The following DIAPH3 variants were observed in gnomAD, a reference collection of about 807,000 sequenced individuals.
DIAPH3 encodes diaphanous related formin 3, also known as protein diaphanous homolog 3.
A neutral mutation model predicts 144.3 loss-of-function variants in DIAPH3; 117 were observed. That is an observed-to-expected ratio of 0.81 (90% CI 0.70 to 0.95). The LOEUF is 0.95. DIAPH3 is among the 40% of genes least tolerant of loss of function. The pLI is 0.00. For synonymous variants in DIAPH3, 519 were observed against 488.9 expected, an observed-to-expected ratio of 1.06 and a Z score of -0.81; for missense variants, 1,421 against 1,412.7, an observed-to-expected ratio of 1.01 and a Z score of -0.09.
chr13:59,970,999 C>T lies in DIAPH3; in HGVS notation c.1812G>A (p.Met604Ile). ...PPPPPLPGMRMPFSGPVPPPP... is the reference protein window; with the variant it reads ...PPPPPLPGMRIPFSGPVPPPP... ...GTGGAGGCACAGGACCACTGAATGGCATCCGCATTCCTGGAAGTGGAGGAG... is the reference window on the plus strand; with the variant it reads ...GTGGAGGCACAGGACCACTGAATGGTATCCGCATTCCTGGAAGTGGAGGAG... Residue 604 changes from methionine (M) to isoleucine (I), a missense_variant, in exon 16 of 28, where the codon ATG (methionine) becomes ATA (isoleucine). Physicochemically the swap from Met to Ile is conservative, Grantham distance 10 (BLOSUM62 1). Coordinates refer to ENST00000400324, the MANE Select transcript of DIAPH3 (RefSeq NM_001042517.2). The T allele has an allele frequency of 6.2e-7, 1 of 1,612,552 alleles. No homozygotes were observed. Among genetic ancestry groups the T allele is most frequent in the Non-Finnish European group, 8.5e-7 (1 of 1,179,238 alleles).
intron 18 of DIAPH3, among the ~76,000 whole-genome samples, chr13:59,917,673 G>A (rs2047287065): frequency 6.6e-6 from 1 of 151,826 alleles, no homozygotes; most frequent in South Asian, 2.1e-4. Context: ...GGCGGATCAC[G>A]AGGTCAGCAG....
In DIAPH3 at chr13:59,786,665, A is replaced by G. The variant is rs73541195; in HGVS notation, c.3164-11842T>C. Among the ~76,000 whole-genome samples the G allele has an allele frequency of 9.7e-3, 1,475 of 152,308 alleles. 16 individuals are homozygous for G. Among genetic ancestry groups the G allele is most frequent in the African/African-American group, 0.033 (1,392 of 41,568 alleles). Reference sequence around the variant, plus strand: ...TTACAAAAATAAGGAGATATATCACATTTAAAAAGAAAAAAAACTTCAGTA... The same window carrying G: ...TTACAAAAATAAGGAGATATATCACGTTTAAAAAGAAAAAAAACTTCAGTA... On this transcript the variant is annotated intron_variant, in intron 25 of 27. Coordinates refer to ENST00000400324, the MANE Select transcript of DIAPH3 (RefSeq NM_001042517.2).
chr13:59,807,365 A>T (rs542561112), intron 25 of DIAPH3, among the ~76,000 whole-genome samples: 1 of 152,052 alleles, frequency 6.6e-6, no homozygotes, highest in East Asian at 1.9e-4. Context: ...GTTGACTTGC[A>T]AAAATTTCAA....
Position 59,758,879 on chromosome 13 carries a change from G to C in DIAPH3, c.3319+15310C>G, listed in dbSNP as rs534761440. Among the ~76,000 whole-genome samples, 6 of 150,922 alleles carry C rather than the reference G, an allele frequency of 4.0e-5. No homozygotes were observed. The South Asian group carries it at 6.3e-4, about 16-fold the overall frequency. ...ACTGCAGCCTTAACCTGTTGGGCTT[G>C]AGTGATCTTCCTATCTCAGCCTCCT... On this transcript the variant is annotated intron_variant, in intron 27 of 27. Coordinates refer to ENST00000400324, the MANE Select transcript of DIAPH3 (RefSeq NM_001042517.2).
chr13:59,815,019 C>A (rs187487786), intron 24 of DIAPH3, among the ~76,000 whole-genome samples: 2 of 152,232 alleles, frequency 1.3e-5, no homozygotes, highest in African/African-American at 2.4e-5. Flanking sequence ...ACAGAATTTC[C>A]ATTTTTTCAT....
chr13:60,009,472 G>A (rs1041499259), intron 8 of DIAPH3, among the ~76,000 whole-genome samples: 1 of 152,034 alleles, frequency 6.6e-6, no homozygotes, highest in African/African-American at 2.4e-5. Context: ...AAAAAATGAT[G>A]GGGGAAAGGG....
chr13:59,672,299 C>T (rs2032417622), intron 27 of DIAPH3, among the ~76,000 whole-genome samples: 1 of 152,142 alleles, frequency 6.6e-6, no homozygotes. Flanking sequence ...CTTAGGAGTG[C>T]CAACTCTCAG....
At chr13:59,943,397 G>A (rs1332554219) in intron 17 of DIAPH3, among the ~76,000 whole-genome samples, 1 of 152,178 alleles carries the variant, frequency 6.6e-6, no homozygotes, top group South Asian at 2.1e-4. Context: ...CCTGGGGAAG[G>A]ACGAACACAG....
intron 2 of DIAPH3, among the ~76,000 whole-genome samples, chr13:60,128,401 T>C (rs2059046973): frequency 6.6e-6 from 1 of 152,154 alleles, no homozygotes; most frequent in Non-Finnish European, 1.5e-5. Flanking sequence ...GGTAGAAAAT[T>C]TTATATTCCT....
chr13:59,699,975 C>T (rs1179968678), intron 27 of DIAPH3, among the ~76,000 whole-genome samples: 1 of 152,192 alleles, frequency 6.6e-6, no homozygotes, highest in African/African-American at 2.4e-5. Context: ...AACTTTACTC[C>T]TCTGTGCTAA....
At chr13:60,045,271 T>C (rs1594495354) in intron 4 of DIAPH3, among the ~76,000 whole-genome samples, 1 of 150,456 alleles carries the variant, frequency 6.6e-6, no homozygotes, top group Non-Finnish European at 1.5e-5. Context: ...ACCCGGGAGG[T>C]GAAGGTTGAG....
intron 25 of DIAPH3, among the ~76,000 whole-genome samples, chr13:59,787,181 A>C (rs2039077221): frequency 6.6e-6 from 1 of 152,186 alleles, no homozygotes. Context: ...ATTCATGATA[A>C]AGGTGGCATT....
At chr13:59,796,432 T>A (rs1273277499) in intron 25 of DIAPH3, among the ~76,000 whole-genome samples, 1 of 152,194 alleles carries the variant, frequency 6.6e-6, no homozygotes, top group Non-Finnish European at 1.5e-5. Context: ...TGAGTATTTG[T>A]CAGGGAAAAT....
chr13:59,756,560 G>A (rs1251441261), intron 27 of DIAPH3, among the ~76,000 whole-genome samples: 1 of 151,156 alleles, frequency 6.6e-6, no homozygotes. Context: ...GAGGAAGGGA[G>A]AGAGGGAGGG....
chr13:60,112,773 A>G (rs2058603099), intron 2 of DIAPH3, among the ~76,000 whole-genome samples: 1 of 152,218 alleles, frequency 6.6e-6, no homozygotes, highest in African/African-American at 2.4e-5. Flanking sequence ...TTAAGGCCTT[A>G]AGAAATAAAC....
At chr13:59,959,666 G>A (rs1186830447) in intron 17 of DIAPH3, among the ~76,000 whole-genome samples, 3 of 152,178 alleles carry the variant, frequency 2.0e-5, no homozygotes, top group African/African-American at 7.2e-5. Flanking sequence ...AATGTGGGTG[G>A]CCTCTAGCGA....
chr13:59,992,445 A>G (rs749816229), intron 10 of DIAPH3, 28 bp downstream of exon 10: 1 of 1,536,490 alleles, frequency 6.5e-7, no homozygotes, highest in Non-Finnish European at 8.9e-7. Context: ...TAATTTAAAT[A>G]TTAATAAGGA....
At chr13:59,902,162 T>C (rs1464326871) in intron 20 of DIAPH3, among the ~76,000 whole-genome samples, 1 of 152,236 alleles carries the variant, frequency 6.6e-6, no homozygotes, top group Non-Finnish European at 1.5e-5. Context: ...TGATATGGTT[T>C]GGATTTGAGC....
chr13:60,102,585 G>C (rs1216395361), intron 3 of DIAPH3, among the ~76,000 whole-genome samples: 3 of 152,174 alleles, frequency 2.0e-5, no homozygotes, highest in Non-Finnish European at 4.4e-5. Flanking sequence ...AGCAATTGCT[G>C]CTCCTAAGAA....
Sources: gnomAD v4.1 joint callset for allele counts (sites outside exome capture counted in the v4.1 genomes callset) on GRCh38, gnomAD v4.1.1 for gene constraint, MANE v1.5 for transcripts, NCBI Gene and HGNC (gene_info 2026-07-23, HGNC 2026-07-21) for gene names.